SCN1A: variants seen among roughly 807,000 people sequenced by gnomAD.
SCN1A encodes sodium voltage-gated channel alpha subunit 1.
In SCN1A, 13 loss-of-function variants were observed where a neutral mutation model predicts 193.7. The observed-to-expected ratio is 0.07, with a 90% confidence interval of 0.04 to 0.11. The LOEUF is 0.11. Among genes scored for constraint, SCN1A ranks in the 10% least tolerant of loss-of-function variants. The pLI, the probability that SCN1A is intolerant of heterozygous loss-of-function variation, is 1.00. For missense variants in SCN1A, 1,432 were observed against 2,451.1 expected, an observed-to-expected ratio of 0.58 and a Z score of 8.78; for synonymous variants, 781 against 843.6, an observed-to-expected ratio of 0.93 and a Z score of 1.29.
chr2:166,100,399 C>G (rs921640349), intron 2 of SCN1A, among the ~76,000 whole-genome samples: 37 of 149,574 alleles, frequency 2.5e-4, no homozygotes, highest in African/African-American at 7.4e-4. Flanking sequence ...AGACCTAAAA[C>G]CATAAAAACC....
intron 2 of SCN1A, among the ~76,000 whole-genome samples, chr2:166,110,225 G>C (rs534091611): frequency 6.6e-6 from 1 of 152,108 alleles, no homozygotes; most frequent in Non-Finnish European, 1.5e-5. Context: ...CAAGTCAAAG[G>C]AAGAATTGAA....
chr2:166,091,845 CA>C (rs1266299702), intron 2 of SCN1A, among the ~76,000 whole-genome samples: 1 of 152,122 alleles, frequency 6.6e-6, no homozygotes, highest in African/African-American at 2.4e-5. Flanking sequence ...ATGTTTGCCA[CA>C]GTGTGCTCAG....
chr2:166,094,263 G>A (rs1030790287), intron 2 of SCN1A, among the ~76,000 whole-genome samples: 4 of 152,164 alleles, frequency 2.6e-5, no homozygotes, highest in African/African-American at 9.7e-5. Context: ...ACTGATAGAC[G>A]TGTTGGAATG....
intron 4 of SCN1A, 47 bp from the exon 5 acceptor site, chr2:166,058,735 T>G (rs1396106529): frequency 7.0e-6 from 7 of 994,360 alleles, no homozygotes; most frequent in Non-Finnish European, 1.1e-5. Flanking sequence ...ATAAACCACT[T>G]AAACTCTGTT....
intron 1 of SCN1A, among the ~76,000 whole-genome samples, chr2:166,142,073 G>A (rs1273612877): frequency 1.3e-5 from 2 of 152,228 alleles, no homozygotes; most frequent in Admixed American, 6.5e-5. Context: ...AGAAAGAGGA[G>A]GTGCATTCTA....
chr2:166,090,029 CTTTTTTT>C (rs545740675), intron 2 of SCN1A, among the ~76,000 whole-genome samples: 42 of 71,418 alleles, frequency 5.9e-4, no homozygotes, highest in Admixed American at 6.4e-4. Flanking sequence ...TCCTTCTTTC[CTTTTTTT>C]TTTTTTTTTT....
chr2:166,032,242 G>GATGCTCCTCAACTT (rs1553539047), intron 19 of SCN1A, among the ~76,000 whole-genome samples: 2 of 57,034 alleles, frequency 3.5e-5, no homozygotes, highest in African/African-American at 1.4e-4. Context: ...CACAGAGACA[G>GATGCTCCTCAACTT]AGAGAGAAAA....
chr2:166,009,636 AT>A, intron 23 of SCN1A, 82 bp downstream of exon 23: 1 of 1,363,518 alleles, frequency 7.3e-7, no homozygotes, highest in South Asian at 1.4e-5. Context: ...TTCCTTTTGC[AT>A]GCATAGATTT....
chr2:166,026,831 C>T (rs188271349), intron 19 of SCN1A, among the ~76,000 whole-genome samples: 363 of 151,680 alleles, frequency 2.4e-3, no homozygotes, highest in Non-Finnish European at 4.0e-3. Flanking sequence ...CTACAGGTGC[C>T]CACCACTGCA....
rs1247711917 is a variant in SCN1A, at chr2:166,037,872, C to G, written c.2850G>C (p.Gly950=). 3.7e-6 allele frequency: 6 copies of G among 1,614,028 alleles called. No individual in the cohort carries two copies. The African/African-American group carries it at 5.3e-5, about 14-fold the overall frequency. Residue 950 remains glycine, a synonymous_variant, in exon 18 of 29, where the codon GGG becomes GGC. Coordinates refer to ENST00000674923, the MANE Select transcript of SCN1A (RefSeq NM_001165963.4). Reference sequence around the variant, plus strand: ...AGTCCCACATGGTCTCTATCCACTCCCCACACAGCACGCGGAACACAATCA... The same window carrying G: ...AGTCCCACATGGTCTCTATCCACTCGCCACACAGCACGCGGAACACAATCA... The part of the protein sequence containing the change: ...SFLIVFRVLC[G]EWIETMWDCM...
chr2:166,112,190 G>T (rs767866072), intron 2 of SCN1A, among the ~76,000 whole-genome samples: 19 of 152,184 alleles, frequency 1.2e-4, no homozygotes, highest in African/African-American at 4.6e-4. Context: ...ATCAATCAAC[G>T]TGGCAAACTT....
rs762975379 is a variant in SCN1A at position 166,044,044 on chromosome 2, C to A, written c.1668G>T (p.Leu556Phe). The change falls in exon 14 of 29, where the codon TTG (leucine) becomes TTT (phenylalanine). Residue 556 changes from leucine (L) to phenylalanine (F), a missense_variant. Leu to Phe is a conservative substitution (Grantham distance 22). Coordinates refer to ENST00000674923, the MANE Select transcript of SCN1A (RefSeq NM_001165963.4). ...EKRYSSPHQS[L>F]LSIRGSLFSP... The stretch of plus-strand genomic sequence containing the variant: ...AAAATAGGGAGCCACGGATGCTCAA[C>A]AAAGACTAGAAGTTTGAAAGAGCAA... 5.0e-6 allele frequency: 8 copies of A among 1,613,988 alleles called. No homozygotes were observed. The highest frequency in any genetic ancestry group is 1.1e-5 in the South Asian group (1 of 91,086).
rs1697283460 is a variant in SCN1A at position 166,042,332 on chromosome 2, T to C, written c.2136A>G (p.Arg712=). ...TTAGAATGCTGGCTATACTCATTGCTCGTTGCCTTTGGGAAGGATCTTCTA... is the reference window on the plus strand; with the variant it reads ...TTAGAATGCTGGCTATACTCATTGCCCGTTGCCTTTGGGAAGGATCTTCTA... The part of the protein sequence containing the change: ...DFLEDPSQRQ[R]AMSIASILTN... The change falls in exon 15 of 29, where the codon CGA becomes CGG. Residue 712 remains arginine (R), a synonymous_variant. Transcript: ENST00000674923. 6.2e-7 allele frequency: 1 copy of C among 1,613,980 alleles called. No individual in the cohort carries two copies. Among genetic ancestry groups the C allele is most frequent in the Non-Finnish European group, 8.5e-7 (1 of 1,179,892 alleles).
intron 6 of SCN1A, among the ~76,000 whole-genome samples, chr2:166,056,184 C>T (rs2105908534): frequency 6.6e-6 from 1 of 152,090 alleles, no homozygotes; most frequent in African/African-American, 2.4e-5. Flanking sequence ...GGGTAAATGT[C>T]CAAGAGTGGT....
At chr2:166,124,116 G>T (rs1258332513) in intron 2 of SCN1A, among the ~76,000 whole-genome samples, 1 of 152,018 alleles carries the variant, frequency 6.6e-6, no homozygotes, top group African/African-American at 2.4e-5. Context: ...TTTGCACATT[G>T]ATTTGCCTAC....
chr2:166,066,029 C>T (rs541331263), intron 4 of SCN1A, among the ~76,000 whole-genome samples: 1 of 152,118 alleles, frequency 6.6e-6, no homozygotes, highest in Non-Finnish European at 1.5e-5. Context: ...AGAATTTGTA[C>T]CTAGAGAAGA....
In SCN1A at chr2:165,996,013, T is replaced by C. The variant is rs1470930262; in HGVS notation, c.4581A>G (p.Gly1527=). 3 of 1,586,224 alleles carry C rather than the reference T, an allele frequency of 1.9e-6. No homozygotes were observed. Among genetic ancestry groups the C allele is most frequent in the Non-Finnish European group, 2.6e-6 (3 of 1,155,838 alleles). The part of the protein sequence containing the change: ...KKPQKPIPRP[G]NKFQGMVFDF... ...CCCCATATCATTTGATACTTCTTACTCCTGGTCGAGGTATAGGCTTTTGCG... is the reference window on the plus strand; with the variant it reads ...CCCCATATCATTTGATACTTCTTACCCCTGGTCGAGGTATAGGCTTTTGCG... The change falls in exon 27 of 29, where the codon GGA becomes GGG. Residue 1527 remains glycine (G), a splice_region_variant and synonymous_variant. Transcript: ENST00000674923.
chr2:166,102,110 T>C (rs1688146497), intron 2 of SCN1A, among the ~76,000 whole-genome samples: 1 of 152,114 alleles, frequency 6.6e-6, no homozygotes, highest in Non-Finnish European at 1.5e-5. Context: ...CCAACAAGCA[T>C]ATGAAAAAAT....
At position 165,989,069 on chromosome 2, in the gene SCN1A, C is replaced by CGT. The variant is rs1688805979; in HGVS notation, c.*2175_*2176insAC. ...GTGTGTGTGTGTGTGTGTGTGTGTG[C>CGT]GCGCGCGCTCCCCTTCTCCCCCAAT... On this transcript the variant is annotated 3_prime_UTR_variant, in exon 29 of 29. Coordinates refer to ENST00000674923, the MANE Select transcript of SCN1A (RefSeq NM_001165963.4). The CGT allele has an allele frequency of 4.6e-5, 1 of 21,710 alleles. No homozygotes were observed. Among genetic ancestry groups the CGT allele is most frequent in the African/African-American group, 5.6e-5 (1 of 17,994 alleles). 1.3% of individuals were successfully genotyped at this position (21,710 alleles called of 1,614,324 possible).
Sources: allele counts gnomAD v4.1 joint callset (sites outside exome capture counted in the v4.1 genomes callset), GRCh38; gene constraint gnomAD v4.1.1; transcripts MANE v1.5; gene names NCBI Gene and HGNC (gene_info 2026-07-23, HGNC 2026-07-21).